Variants in C3 observed in about 807,000 individuals in gnomAD.
The protein encoded by C3 is complement C3.
C3 carries 97 observed loss-of-function variants against 207.9 expected under a neutral mutation model. The ratio of observed to expected loss-of-function variants is 0.47; its 90% CI spans 0.40 to 0.55. C3 has a LOEUF of 0.55. C3 is among the 20% of genes least tolerant of loss of function. The pLI is 0.00. For synonymous variants in C3, 848 were observed against 857.6 expected (o/e 0.99, Z 0.20); for missense variants, 1,684 against 2,171.7 (o/e 0.78, Z 4.46).
chr19:6,708,155 G>A (rs1301133496), intron 14 of C3, among the ~76,000 whole-genome samples: 5 of 144,204 alleles, frequency 3.5e-5, no homozygotes, highest in African/African-American at 7.8e-5. Flanking sequence ...TCTTTCTTTC[G>A]AGATGGAGTC....
In C3 at chr19:6,685,104, C is replaced by T; in HGVS notation, c.3853G>A (p.Asp1285Asn). The part of the protein sequence containing the change: ...VFQALAQYQK[D>N]APDHQELNLD... Reference sequence around the variant, plus strand: ...TTCAGTTCCTGGTGGTCAGGGGCGTCCTTTTGGTATTGAGCCAAGGCTTGG... The same window carrying T: ...TTCAGTTCCTGGTGGTCAGGGGCGTTCTTTTGGTATTGAGCCAAGGCTTGG... The change falls in exon 30 of 41, where the codon GAC becomes AAC. Residue 1285 changes from aspartate (D) to asparagine (N), a missense_variant. Asp to Asn is a conservative substitution (Grantham distance 23, BLOSUM62 1). Transcript: ENST00000245907. 6.2e-7 allele frequency: 1 copy of T among 1,613,978 alleles called. No individual in the cohort carries two copies. The highest frequency in any genetic ancestry group is 8.5e-7 in the Non-Finnish European group (1 of 1,179,966).
Position 6,694,522 on chromosome 19 carries a change from C to T in C3, c.3063G>A (p.Thr1021=), listed in dbSNP as rs777408781. 19 of 1,614,138 alleles carry T rather than the reference C, an allele frequency of 1.2e-5. No homozygotes were observed. The highest frequency in any genetic ancestry group is 2.2e-5 in the East Asian group (1 of 44,886). The part of the protein sequence containing the change: ...GEQNMIGMTP[T]VIAVHYLDET... ...CATCCAGGTAATGCACAGCGATGAC[C>T]GTGGGCGTCATGCCGATCATGTTCT... is the stretch of plus-strand genomic sequence containing the variant. The change falls in exon 24 of 41, where the codon ACG becomes ACA. Residue 1021 remains threonine, a synonymous_variant. Transcript: ENST00000245907.
chr19:6,678,160 C>G lies in C3; in HGVS notation c.4842G>C (p.Glu1614Asp). The change falls in exon 40 of 41, where the codon GAG becomes GAC. Residue 1614 changes from glutamate (E) to aspartate (D), a missense_variant. Glu to Asp is a conservative substitution (Grantham distance 45). This residue lies in a region of C3 where 346 missense variants were observed against 380.1 expected (regional missense o/e 0.91). Transcript: ENST00000245907. ...GCAGGGAAAGCACTCACTTGGGCTT[C>G]TCTCCCCAGAAATCGGAGGAGAGAC... ...MWGLSSDFWG[E>D]KPNLSYIIGK... The G allele has an allele frequency of 1.2e-6, 2 of 1,614,190 alleles. No individual in the cohort carries two copies. Among genetic ancestry groups the G allele is most frequent in the South Asian group, 1.1e-5 (1 of 91,086 alleles).
rs150201104 is a variant in C3, at chr19:6,679,489, G to T, written c.4464C>A (p.Ser1488Arg). 1 of 1,611,058 alleles carries T rather than the reference G, an allele frequency of 6.2e-7. No homozygotes were observed. Among genetic ancestry groups the T allele is most frequent in the South Asian group, 1.1e-5 (1 of 91,018 alleles). ...KVYAYYNLEE[S>R]CTRFYHPEKE... Reference sequence around the variant, plus strand: ...TTTCCGGATGGTAGAACCGGGTACAGCTTTCCTCTGCGGGCAGATGTGATG... The same window carrying T: ...TTTCCGGATGGTAGAACCGGGTACATCTTTCCTCTGCGGGCAGATGTGATG... The change falls in exon 37 of 41, where the codon AGC becomes AGA. Residue 1488 changes from serine (S) to arginine (R), a missense_variant. By Grantham distance (110) the Ser-to-Arg change is moderately radical (BLOSUM62 -1). Coordinates refer to ENST00000245907, the MANE Select transcript of C3 (RefSeq NM_000064.4).
At chr19:6,713,351 G>A in intron 8 of C3, 36 bp from the exon 9 acceptor site, 1 of 1,613,926 alleles carries the variant, frequency 6.2e-7, no homozygotes, top group Non-Finnish European at 8.5e-7. Flanking sequence ...GAGGGGAGCG[G>A]GCTCAGAGGT....
At chr19:6,708,924 T>G (rs1201782704) in intron 14 of C3, among the ~76,000 whole-genome samples, 1 of 152,014 alleles carries the variant, frequency 6.6e-6, no homozygotes, top group African/African-American at 2.4e-5. Flanking sequence ...TGGCCTCAAG[T>G]GATCCTCCCA....
chr19:6,715,362 G>A (rs1415503209), intron 4 of C3, among the ~76,000 whole-genome samples: 1 of 152,112 alleles, frequency 6.6e-6, no homozygotes, highest in East Asian at 1.9e-4. Flanking sequence ...TGTGGTCCCA[G>A]CTACCCAGGA....
At chr19:6,678,047 G>A in intron 40 of C3, 24 bp from the exon 41 acceptor site, 1 of 1,614,210 alleles carries the variant, frequency 6.2e-7, no homozygotes. Flanking sequence ...TGGCAGGTCA[G>A]GAAGGGGCGT....
chr19:6,717,644 TTG>T (rs71978052), intron 4 of C3: 56,496 of 301,300 alleles, frequency 0.19, 6,280 homozygotes, highest in African/African-American at 0.27. Context: ...TGGTTGTGTG[TTG>T]TGTGTGGTGT....
At position 6,707,511 on chromosome 19, in the gene C3, G is replaced by A. The variant is rs2145422979; in HGVS notation, c.2002C>T (p.Arg668Cys). ...AELQCPQPAARRRRSVQLTEK... is the reference protein window; with the variant it reads ...AELQCPQPAACRRRSVQLTEK... ...GTGAGCTGCACGGAACGGCGTCGGC[G>A]GGCGGCTGGCTGCGGGCACTGAAGT... The change falls in exon 16 of 41, where the codon CGC becomes TGC. Residue 668 changes from arginine (R) to cysteine (C), a missense_variant. Arg to Cys is a radical substitution (Grantham distance 180). Coordinates refer to ENST00000245907, the MANE Select transcript of C3 (RefSeq NM_000064.4). 1 of 1,614,080 alleles carries A rather than the reference G, an allele frequency of 6.2e-7. No homozygotes were observed. Among genetic ancestry groups the A allele is most frequent in the Non-Finnish European group, 8.5e-7 (1 of 1,179,968 alleles).
chr19:6,719,157 G>A lies in C3; in HGVS notation c.267+54C>T. 3 of 1,460,814 alleles carry A rather than the reference G, an allele frequency of 2.1e-6. No individual in the cohort carries two copies. Among genetic ancestry groups the A allele is most frequent in the East Asian group, 4.5e-5 (2 of 44,186 alleles). 90.5% of individuals were successfully genotyped at this position (1,460,814 alleles called of 1,614,324 possible). On this transcript the variant is annotated intron_variant, in intron 2 of 40. Transcript: ENST00000245907. The surrounding 1 kb of genome is among the most constrained non-coding windows in gnomAD (Gnocchi z 5.4). ...AAGGGGAGGGGCTCAGGAGGAGGGG[G>A]GGAGTGGGCGTGGCTGTGGGTGTCA... is the stretch of plus-strand genomic sequence containing the variant.
chr19:6,709,647 C>T (rs377124290), intron 14 of C3, 37 bp downstream of exon 14: 119 of 1,599,346 alleles, frequency 7.4e-5, no homozygotes, highest in East Asian at 2.1e-4. Flanking sequence ...TCCGTGCCTC[C>T]GCCTCTTCTC....
intron 17 of C3, among the ~76,000 whole-genome samples, chr19:6,704,516 T>C (rs1967734040): frequency 3.3e-5 from 5 of 152,104 alleles, no homozygotes; most frequent in African/African-American, 7.2e-5. Flanking sequence ...CCCAATACTT[T>C]GGGAGGCGGA....
In C3 at chr19:6,696,622, C is replaced by T. The variant is rs772981625; in HGVS notation, c.2834G>A (p.Arg945His). 1.1e-5 allele frequency: 17 copies of T among 1,613,914 alleles called. No individual in the cohort carries two copies. The highest frequency in any genetic ancestry group is 3.3e-5 in the South Asian group (3 of 91,084). Reference protein sequence around the residue: ...GIRMNKTVAVRTLDPERLGRE... With the variant: ...GIRMNKTVAVHTLDPERLGRE... ...GCCCAGGCGTTCTGGATCCAGGGTG[C>T]GAACAGCCACAGTTTTGTTCATTCT... Residue 945 changes from arginine (R) to histidine (H), a missense_variant, in exon 22 of 41, where the codon CGC becomes CAC. Physicochemically the swap from Arg to His is conservative, Grantham distance 29. Coordinates refer to ENST00000245907, the MANE Select transcript of C3 (RefSeq NM_000064.4).
At chr19:6,682,270 G>C in intron 33 of C3, 41 bp from the exon 34 acceptor site, 1 of 1,512,182 alleles carries the variant, frequency 6.6e-7, no homozygotes, top group Non-Finnish European at 9.2e-7. Context: ...CCCAAGGAGG[G>C]GTCAGCCCCA....
chr19:6,677,877 T>A lies in C3; in HGVS notation c.*5A>T. The A allele has an allele frequency of 1.2e-6, 2 of 1,613,478 alleles. No individual in the cohort carries two copies. Among genetic ancestry groups the A allele is most frequent in the Non-Finnish European group, 1.7e-6 (2 of 1,179,962 alleles). On this transcript the variant is annotated 3_prime_UTR_variant, in exon 41 of 41. Transcript: ENST00000245907. ...TTTATCTGGAGTGGGGGAATGGGGG[T>A]GTGGTCAGTTGGGGCACCCAAAGAC...
intron 24 of C3, 121 bp from the exon 25 acceptor site, chr19:6,693,608 G>A: frequency 2.4e-6 from 2 of 830,922 alleles, no homozygotes; most frequent in Non-Finnish European, 4.0e-6. Context: ...GGGGTTCTGG[G>A]AGGAGGGGAC....
intron 17 of C3, among the ~76,000 whole-genome samples, chr19:6,706,050 T>G (rs1029219040): frequency 6.6e-6 from 1 of 152,254 alleles, no homozygotes; most frequent in African/African-American, 2.4e-5. Context: ...AAGTCTCACC[T>G]GATTCAAAAA....
chr19:6,720,517 T>G lies in C3; in HGVS notation c.73A>C (p.Met25Leu). The change falls in exon 1 of 41, where the codon ATG becomes CTG. Residue 25 changes from methionine (M) to leucine (L), a missense_variant and splice_region_variant. Met to Leu is a conservative substitution (Grantham distance 15, BLOSUM62 2). Around this residue, in one of 3 missense-constraint regions of C3, gnomAD observed 58 missense variants for 52.5 expected, o/e 1.10. Coordinates refer to ENST00000245907, the MANE Select transcript of C3 (RefSeq NM_000064.4). ...THLPLALGSP[M>L]YSIITPNILR... ...GTGGGTAGAGTCATAACCACTCACATGGGACTCCCCAGAGCCAGGGGGAGG... is the reference window on the plus strand; with the variant it reads ...GTGGGTAGAGTCATAACCACTCACAGGGGACTCCCCAGAGCCAGGGGGAGG... The G allele has an allele frequency of 6.3e-7, 1 of 1,587,808 alleles. No homozygotes were observed. Among genetic ancestry groups the G allele is most frequent in the Non-Finnish European group, 8.6e-7 (1 of 1,166,088 alleles).
Sources: gnomAD v4.1 joint callset for allele counts (sites outside exome capture counted in the v4.1 genomes callset) on GRCh38, gnomAD v4.1.1 for gene constraint, gnomAD v4.1.1 regional missense constraint, Gnocchi (gnomAD v3.1) non-coding constraint, MANE v1.5 for transcripts, NCBI Gene and HGNC (gene_info 2026-07-23, HGNC 2026-07-21) for gene names.